Variants in VPS54 observed in about 807,000 individuals in gnomAD.
The protein encoded by VPS54 is VPS54 subunit of GARP complex, also known as vacuolar protein sorting-associated protein 54.
Under a neutral mutation model 121.5 loss-of-function variants are expected in VPS54, and 45 were observed. The ratio of observed to expected loss-of-function variants is 0.37; its 90% CI spans 0.29 to 0.47. The LOEUF (loss-of-function observed/expected upper bound fraction) is 0.47. Among genes scored for constraint, VPS54 ranks in the 20% least tolerant of loss-of-function variants. The pLI is 0.99. For missense variants in VPS54, 1,090 were observed against 1,131.4 expected, an observed-to-expected ratio of 0.96 and a Z score of 0.52; for synonymous variants, 371 against 385.8, an observed-to-expected ratio of 0.96 and a Z score of 0.45.
At chr2:63,944,092 C>A (rs999432426) in intron 10 of VPS54, among the ~76,000 whole-genome samples, 1 of 151,992 alleles carries the variant, frequency 6.6e-6, no homozygotes, top group Non-Finnish European at 1.5e-5. Context: ...AATTCAAAAT[C>A]ATTAACTCAA....
chr2:63,994,859 C>G (rs1220482550), intron 1 of VPS54, among the ~76,000 whole-genome samples: 1 of 152,168 alleles, frequency 6.6e-6, no homozygotes, highest in Non-Finnish European at 1.5e-5. Context: ...TAGTAATAGA[C>G]TGGGCACCAA....
In VPS54 at chr2:63,996,716, G is replaced by T. The variant is rs1424310286; in HGVS notation, c.-20-12697C>A. The stretch of plus-strand genomic sequence containing the variant: ...GGGGGGCCTCTAAAATGGCCGCTCT[G>T]GGAGTGTCTGCCTTATGCAGTTGTA... On this transcript the variant is annotated intron_variant, in intron 1 of 22. Coordinates refer to ENST00000272322, the MANE Select transcript of VPS54 (RefSeq NM_016516.3). 2.0e-5 allele frequency among the ~76,000 whole-genome samples: 3 copies of T among 152,166 alleles called. No individual in the cohort carries two copies. The East Asian group carries it at 5.8e-4, about 29-fold the overall frequency.
intron 6 of VPS54, among the ~76,000 whole-genome samples, chr2:63,964,082 T>C (rs1295917846): frequency 6.6e-6 from 1 of 152,176 alleles, no homozygotes; most frequent in Non-Finnish European, 1.5e-5. Flanking sequence ...ATTCTAGTTA[T>C]AGCATCCTTG....
intron 6 of VPS54, among the ~76,000 whole-genome samples, chr2:63,963,871 A>T (rs1675875735): frequency 6.6e-6 from 1 of 152,170 alleles, no homozygotes; most frequent in Admixed American, 6.5e-5. Context: ...TGCTGCTGCC[A>T]ATCTGTGGAC....
intron 1 of VPS54, among the ~76,000 whole-genome samples, chr2:64,006,230 A>G (rs1016267736): frequency 3.3e-5 from 5 of 152,380 alleles, no homozygotes; most frequent in Non-Finnish European, 5.9e-5. Flanking sequence ...AATATCACAG[A>G]AAGTGTGTAA....
Position 63,912,652 on chromosome 2 carries a change from GAAGA to G in VPS54, c.2428_2431del (p.Ser810HisfsTer6). On this transcript the variant is annotated frameshift_variant, in exon 19 of 23. Transcript: ENST00000272322. LOFTEE classifies it high-confidence loss of function. ...GTGCACAATTAACTGCAAACATCGT[GAAGA>G]AAGAGCTGAAGATCCAGGGAGTAGA... 6.4e-7 allele frequency: 1 copy of G among 1,569,678 alleles called. No individual in the cohort carries two copies. Among genetic ancestry groups the G allele is most frequent in the Non-Finnish European group, 8.6e-7 (1 of 1,168,514 alleles).
chr2:63,895,649 C>T (rs1364059430), intron 22 of VPS54, among the ~76,000 whole-genome samples: 2 of 152,072 alleles, frequency 1.3e-5, no homozygotes, highest in African/African-American at 4.8e-5. Flanking sequence ...GTGAATTTCA[C>T]CTCAAAAAAA....
chr2:63,931,080 C>A (rs979119017), intron 12 of VPS54, among the ~76,000 whole-genome samples: 1 of 152,150 alleles, frequency 6.6e-6, no homozygotes, highest in African/African-American at 2.4e-5. Context: ...GTGAAAATGG[C>A]CTTACTGCCA....
At position 63,962,064 on chromosome 2, in the gene VPS54, C is replaced by G; in HGVS notation, c.1004G>C (p.Ser335Thr). 6.4e-7 allele frequency: 1 copy of G among 1,559,502 alleles called. No homozygotes were observed. Among genetic ancestry groups the G allele is most frequent in the Non-Finnish European group, 8.7e-7 (1 of 1,146,936 alleles). The change falls in exon 7 of 23, where the codon AGT becomes ACT. Residue 335 changes from serine to threonine, a missense_variant. Physicochemically the swap from Ser to Thr is moderately conservative, Grantham distance 58. Transcript: ENST00000272322. ...VLQQELQGIHSFRHLGSQLCE... is the reference protein window; with the variant it reads ...VLQQELQGIHTFRHLGSQLCE... ...GCTTACTTAATGAACATACCGGAAA[C>G]TGTGAATGCCCTGAAGTTCCTGCTG...
At chr2:63,984,261 C>A (rs1676939017) in intron 1 of VPS54, among the ~76,000 whole-genome samples, 1 of 152,042 alleles carries the variant, frequency 6.6e-6, no homozygotes, top group Non-Finnish European at 1.5e-5. Context: ...CAAAAAATAC[C>A]AAGGTTGTAC....
intron 1 of VPS54, among the ~76,000 whole-genome samples, chr2:63,988,753 G>A (rs541158174): frequency 1.5e-4 from 23 of 152,190 alleles, no homozygotes; most frequent in African/African-American, 5.5e-4. Flanking sequence ...TAACTGCACA[G>A]ACTGTTCGTA....
chr2:63,937,131 A>C (rs1177596002), intron 11 of VPS54, among the ~76,000 whole-genome samples: 1 of 152,132 alleles, frequency 6.6e-6, no homozygotes, highest in African/African-American at 2.4e-5. Context: ...AGGTGACAAC[A>C]AAAAAATAGA....
intron 7 of VPS54, among the ~76,000 whole-genome samples, chr2:63,951,257 A>T (rs1675228952): frequency 6.8e-6 from 1 of 146,764 alleles, no homozygotes; most frequent in African/African-American, 2.6e-5. Flanking sequence ...TGCAGACCTC[A>T]ATCTACTATA....
At chr2:63,909,725 G>GTTTTTGTTTTTGT (rs747731456) in intron 20 of VPS54, among the ~76,000 whole-genome samples, 4 of 115,250 alleles carry the variant, frequency 3.5e-5, no homozygotes, top group Admixed American at 9.0e-5. Flanking sequence ...GCCGTTTTTG[G>GTTTTTGTTTTTGT]TTTTTTTTTT....
At chr2:63,961,981 C>T (rs941273078) in intron 7 of VPS54, 77 bp downstream of exon 7, 48 of 1,407,708 alleles carry the variant, frequency 3.4e-5, no homozygotes, top group African/African-American at 1.4e-5. Flanking sequence ...TATATTCACA[C>T]TTTTAACATT....
At chr2:63,916,120 T>C (rs1673369184) in intron 16 of VPS54, among the ~76,000 whole-genome samples, 1 of 152,158 alleles carries the variant, frequency 6.6e-6, no homozygotes, top group Admixed American at 6.5e-5. Flanking sequence ...AACCACTTAA[T>C]CTTCTAAGCT....
At chr2:63,913,180 C>A in intron 18 of VPS54, 43 bp downstream of exon 18, 2 of 1,527,940 alleles carry the variant, frequency 1.3e-6, no homozygotes, top group Non-Finnish European at 1.8e-6. Context: ...AGTGACATCA[C>A]TGTTAACACT....
chr2:64,013,633 AAT>A (rs1021520543), intron 1 of VPS54, among the ~76,000 whole-genome samples: 38 of 145,518 alleles, frequency 2.6e-4, no homozygotes, highest in Non-Finnish European at 4.8e-4. Context: ...TTTATATATA[AAT>A]ATATATCAAT....
chr2:63,947,004 C>T (rs1233805692), intron 9 of VPS54, among the ~76,000 whole-genome samples: 1 of 151,726 alleles, frequency 6.6e-6, no homozygotes, highest in Non-Finnish European at 1.5e-5. Context: ...TATAAACAAC[C>T]TAAATATTCA....
Sources: gnomAD v4.1 joint callset for allele counts (sites outside exome capture counted in the v4.1 genomes callset) on GRCh38, gnomAD v4.1.1 for gene constraint, MANE v1.5 for transcripts, NCBI Gene and HGNC (gene_info 2026-07-23, HGNC 2026-07-21) for gene names.